The following AFG2A variants were observed in gnomAD, a reference collection of about 807,000 sequenced individuals.
The protein encoded by AFG2A is ATPase family gene 2 protein homolog A.
the AFG2A span, among the ~76,000 whole-genome samples, chr4:123,088,804 C>T: frequency 4.6e-5 from 7 of 152,118 alleles, no homozygotes; most frequent in East Asian, 5.8e-4. Flanking sequence ...TGAGGTCTCC[C>T]GGTCATGCTT....
the AFG2A span, among the ~76,000 whole-genome samples, chr4:122,940,392 G>C: frequency 3.9e-5 from 6 of 152,098 alleles, no homozygotes; most frequent in Admixed American, 1.3e-4. Context: ...GTGATGATGA[G>C]CATTTTTTCA....
the AFG2A span, among the ~76,000 whole-genome samples, chr4:123,005,976 C>T: frequency 2.0e-5 from 3 of 152,120 alleles, no homozygotes; most frequent in Non-Finnish European, 4.4e-5. Context: ...TCAATGTAGT[C>T]ACCATTTCCA....
the AFG2A span, among the ~76,000 whole-genome samples, chr4:123,295,424 G>A: frequency 2.6e-5 from 4 of 152,230 alleles, no homozygotes; most frequent in Non-Finnish European, 5.9e-5. Flanking sequence ...ATCTTAAGAC[G>A]AAAAGGGAAC....
At chr4:123,156,282 T>C in the AFG2A span, among the ~76,000 whole-genome samples, 1 of 152,068 alleles carries the variant, frequency 6.6e-6, no homozygotes, top group Non-Finnish European at 1.5e-5. Context: ...AGTTGTAATA[T>C]AGAAGTTTGA....
chr4:122,938,228 A>G, the AFG2A span: 2 of 1,603,078 alleles, frequency 1.2e-6, no homozygotes, highest in Non-Finnish European at 8.5e-7. Context: ...CACTCTTAAC[A>G]CTGATGGATG....
At chr4:123,019,437 C>T in the AFG2A span, among the ~76,000 whole-genome samples, 1 of 152,066 alleles carries the variant, frequency 6.6e-6, no homozygotes, top group Non-Finnish European at 1.5e-5. Context: ...GCTAGAAGGT[C>T]CTACACCAAA....
At chr4:123,143,190 AAAG>A in the AFG2A span, among the ~76,000 whole-genome samples, 1 of 151,096 alleles carries the variant, frequency 6.6e-6, no homozygotes, top group Non-Finnish European at 1.5e-5. Context: ...CAGAAAAAAA[AAAG>A]AAAGATTATC....
the AFG2A span, among the ~76,000 whole-genome samples, chr4:123,094,982 C>A: frequency 6.8e-6 from 1 of 146,598 alleles, no homozygotes; most frequent in African/African-American, 2.5e-5. Flanking sequence ...CAAGAATCCA[C>A]CATGCAAGGT....
At chr4:123,243,572 G>T in the AFG2A span, among the ~76,000 whole-genome samples, 9 of 152,022 alleles carry the variant, frequency 5.9e-5, no homozygotes, top group Non-Finnish European at 8.8e-5. Flanking sequence ...GCAGGGCAGG[G>T]AACATCACAC....
chr4:123,256,782 T>G, the AFG2A span: 2 of 985,034 alleles, frequency 2.0e-6, no homozygotes, highest in African/African-American at 3.5e-5. Context: ...AATATGAAAA[T>G]GACTTTTATG....
chr4:123,314,655 T>C, the AFG2A span: 1 of 151,374 alleles, frequency 6.6e-6, no homozygotes, highest in Non-Finnish European at 1.5e-5. Flanking sequence ...GCCAAAAAAA[T>C]TTTTTTTGAG....
At chr4:123,177,462 T>G in the AFG2A span, among the ~76,000 whole-genome samples, 1 of 152,082 alleles carries the variant, frequency 6.6e-6, no homozygotes, top group Admixed American at 6.6e-5. Context: ...TGGGAGACCT[T>G]GGCCTCCCAA....
At chr4:123,307,046 CCAGA>C in the AFG2A span, among the ~76,000 whole-genome samples, 1 of 152,188 alleles carries the variant, frequency 6.6e-6, no homozygotes, top group South Asian at 2.1e-4. Flanking sequence ...GTTTAACATT[CCAGA>C]CAGTCTGTGA....
chr4:123,292,837 G>A, the AFG2A span, among the ~76,000 whole-genome samples: 2 of 152,126 alleles, frequency 1.3e-5, no homozygotes, highest in Admixed American at 1.3e-4. Context: ...CAGCTTTTGG[G>A]CCAGTAGGAG....
the AFG2A span, among the ~76,000 whole-genome samples, chr4:122,980,312 G>C: frequency 3.3e-5 from 5 of 152,264 alleles, no homozygotes; most frequent in African/African-American, 1.2e-4. Flanking sequence ...TATTATAAAT[G>C]ACAGTATTTT....
chr4:123,028,689 T>C, the AFG2A span, among the ~76,000 whole-genome samples: 3 of 152,228 alleles, frequency 2.0e-5, no homozygotes, highest in Non-Finnish European at 4.4e-5. Flanking sequence ...TGTTTGTTTC[T>C]ACATTTTTAA....
the AFG2A span, among the ~76,000 whole-genome samples, chr4:123,298,767 T>G: frequency 6.6e-6 from 1 of 152,248 alleles, no homozygotes; most frequent in Non-Finnish European, 1.5e-5. Context: ...ATATAAAAAA[T>G]TAATAATTCT....
the AFG2A span, among the ~76,000 whole-genome samples, chr4:123,293,661 C>G: frequency 6.6e-6 from 1 of 152,170 alleles, no homozygotes; most frequent in African/African-American, 2.4e-5. Context: ...TACTACAGCT[C>G]AGGCCTAGGG....
the AFG2A span, among the ~76,000 whole-genome samples, chr4:123,002,515 C>T: frequency 6.6e-6 from 1 of 152,108 alleles, no homozygotes; most frequent in Non-Finnish European, 1.5e-5. Context: ...GACAAAATCT[C>T]TCAGCATTTG....
Sources: allele counts gnomAD v4.1 joint callset (sites outside exome capture counted in the v4.1 genomes callset), GRCh38; gene constraint gnomAD v4.1.1; transcripts MANE v1.5; gene names NCBI Gene and HGNC (gene_info 2026-07-23, HGNC 2026-07-21).